The following DLGAP2 variants were observed in gnomAD, a reference collection of about 807,000 sequenced individuals.
DLGAP2 encodes the protein DLG associated protein 2.
In DLGAP2, 26 loss-of-function variants were observed where a neutral mutation model predicts 100.3. That is an observed-to-expected ratio of 0.26 (90% CI 0.19 to 0.36). DLGAP2 has a LOEUF of 0.36. DLGAP2 is among the 10% of genes least tolerant of loss of function. The pLI is 1.00. For missense variants in DLGAP2, 1,858 were observed against 1,453.2 expected (o/e 1.28, Z -4.53); for synonymous variants, 886 against 630.1 (o/e 1.41, Z -6.08).
intron 2 of DLGAP2, among the ~76,000 whole-genome samples, chr8:964,063 A>T (rs1799788891): frequency 6.6e-6 from 1 of 152,258 alleles, no homozygotes; most frequent in Admixed American, 6.5e-5. Flanking sequence ...AAACTTTAGG[A>T]AGTTTATGCT....
chr8:1,592,845 G>C lies in DLGAP2; in HGVS notation c.1442+26951G>C, dbSNP rs373181179. Among the ~76,000 whole-genome samples the C allele has an allele frequency of 5.3e-5, 8 of 152,238 alleles. No individual in the cohort carries two copies. The East Asian group carries it at 9.7e-4, about 18-fold the overall frequency. ...CTGTGAGCATCACCGACTGACCAGGGTACCGCTGGCTGGGATGTTACATGG... is the reference window on the plus strand; with the variant it reads ...CTGTGAGCATCACCGACTGACCAGGCTACCGCTGGCTGGGATGTTACATGG... On this transcript the variant is annotated intron_variant, in intron 6 of 14. Transcript: ENST00000637795.
At chr8:1,120,173 T>C (rs1311012192) in intron 2 of DLGAP2, among the ~76,000 whole-genome samples, 1 of 152,156 alleles carries the variant, frequency 6.6e-6, no homozygotes, top group Non-Finnish European at 1.5e-5. Flanking sequence ...GGCTAAGGGT[T>C]CAGCCCCTTC....
chr8:1,628,837 A>T (rs1284280754), intron 7 of DLGAP2, among the ~76,000 whole-genome samples: 1 of 152,220 alleles, frequency 6.6e-6, no homozygotes, highest in Non-Finnish European at 1.5e-5. Flanking sequence ...CTTACTGTGG[A>T]GTAGGGATTA....
At chr8:890,283 G>T (rs531779477) in intron 1 of DLGAP2, among the ~76,000 whole-genome samples, 1 of 152,274 alleles carries the variant, frequency 6.6e-6, no homozygotes, top group African/African-American at 2.4e-5. Context: ...ACGTGCACGC[G>T]CATGGCAGAG....
chr8:1,531,510 T>A (rs562571413), intron 4 of DLGAP2, among the ~76,000 whole-genome samples: 49 of 152,318 alleles, frequency 3.2e-4, no homozygotes, highest in African/African-American at 1.1e-3. Context: ...TTCATACTGA[T>A]AATTTTTTGA....
At chr8:1,059,768 G>A (rs918921010) in intron 2 of DLGAP2, among the ~76,000 whole-genome samples, 5 of 152,160 alleles carry the variant, frequency 3.3e-5, no homozygotes, top group African/African-American at 1.2e-4. Context: ...CTGTGCAGGC[G>A]CAGTGGTGAC....
At chr8:1,204,865 C>G (rs1450378349) in intron 2 of DLGAP2, among the ~76,000 whole-genome samples, 1 of 152,206 alleles carries the variant, frequency 6.6e-6, no homozygotes, top group Non-Finnish European at 1.5e-5. Context: ...GCCTTGAACA[C>G]CGGCCCTCTC....
At chr8:1,365,281 G>C (rs953171244) in intron 3 of DLGAP2, among the ~76,000 whole-genome samples, 1 of 152,138 alleles carries the variant, frequency 6.6e-6, no homozygotes, top group African/African-American at 2.4e-5. Flanking sequence ...GGGGATGTGT[G>C]GCTCAGGTGC....
rs2040985 is a variant in DLGAP2, at chr8:1,578,866, G to C, written c.1442+12972G>C. Among the ~76,000 whole-genome samples, 1,489 of 152,306 alleles carry C rather than the reference G, an allele frequency of 9.8e-3. 21 individuals carry two copies. The highest frequency in any genetic ancestry group is 0.034 in the African/African-American group (1,420 of 41,562). ...CTTGTGTCCCCGATCGGGAAGGTCA[G>C]ATTCCCAGGGCTGATGGCCCCGTCT... On this transcript the variant is annotated intron_variant, in intron 6 of 14. Transcript: ENST00000637795.
intron 2 of DLGAP2, among the ~76,000 whole-genome samples, chr8:1,138,925 C>T (rs1448592636): frequency 1.3e-5 from 2 of 150,506 alleles, no homozygotes; most frequent in East Asian, 3.9e-4. Context: ...ATTTACTTGT[C>T]CTGGCCTGTG....
At chr8:1,284,091 C>T (rs1220704808) in intron 3 of DLGAP2, among the ~76,000 whole-genome samples, 3 of 152,166 alleles carry the variant, frequency 2.0e-5, no homozygotes, top group Admixed American at 2.0e-4. Context: ...ATTACTATTG[C>T]CCTGTCCTTA....
chr8:1,518,422 G>A (rs1299035611), intron 4 of DLGAP2, among the ~76,000 whole-genome samples: 1 of 152,094 alleles, frequency 6.6e-6, no homozygotes, highest in Non-Finnish European at 1.5e-5. Flanking sequence ...ATTATGAAGG[G>A]AAAAAGCAAG....
At chr8:1,202,147 CAT>C (rs1360100639) in intron 2 of DLGAP2, among the ~76,000 whole-genome samples, 1 of 146,210 alleles carries the variant, frequency 6.8e-6, no homozygotes, top group African/African-American at 2.8e-5. Flanking sequence ...TGTGTATACA[CAT>C]GTGGTGTGTA....
At chr8:1,143,113 A>G (rs1208660550) in intron 2 of DLGAP2, among the ~76,000 whole-genome samples, 2 of 152,008 alleles carry the variant, frequency 1.3e-5, no homozygotes, top group Non-Finnish European at 2.9e-5. Flanking sequence ...CGCAGCGGCC[A>G]CCCTCCAGCC....
intron 6 of DLGAP2, among the ~76,000 whole-genome samples, chr8:1,584,894 A>G (rs1483539008): frequency 6.6e-6 from 1 of 152,084 alleles, no homozygotes; most frequent in Admixed American, 6.5e-5. Flanking sequence ...TTTTTACCTC[A>G]TTTCTTTCTT....
chr8:922,275 G>C lies in DLGAP2; in HGVS notation c.73+14309G>C, dbSNP rs146705344. ...ACCGTATCTCTATGGGATGAGTCCT[G>C]CTCACTTTATTCTGAGAGAGAGAGG... On this transcript the variant is annotated intron_variant, in intron 2 of 14. Transcript: ENST00000637795. Among the ~76,000 whole-genome samples the C allele has an allele frequency of 3.7e-3, 559 of 152,284 alleles. 5 individuals carry two copies. The highest frequency in any genetic ancestry group is 0.013 in the African/African-American group (539 of 41,540).
chr8:1,172,423 G>T (rs939820113), intron 2 of DLGAP2, among the ~76,000 whole-genome samples: 96 of 151,878 alleles, frequency 6.3e-4, no homozygotes, highest in African/African-American at 2.1e-3. Context: ...GAATCTGAAT[G>T]TTGGCCTGCC....
intron 14 of DLGAP2, among the ~76,000 whole-genome samples, chr8:1,699,139 C>T (rs1799498435): frequency 6.6e-6 from 1 of 152,216 alleles, no homozygotes; most frequent in South Asian, 2.1e-4. Context: ...ATGGTTCCGT[C>T]TAGTCTCCAT....
At chr8:909,881 T>C (rs1023942519) in intron 2 of DLGAP2, among the ~76,000 whole-genome samples, 12 of 152,230 alleles carry the variant, frequency 7.9e-5, no homozygotes, top group Non-Finnish European at 1.6e-4. Flanking sequence ...GAGATCTTGT[T>C]TGGAAATGTC....
Sources: gnomAD v4.1 joint callset for allele counts (sites outside exome capture counted in the v4.1 genomes callset) on GRCh38, gnomAD v4.1.1 for gene constraint, MANE v1.5 for transcripts, NCBI Gene and HGNC (gene_info 2026-07-23, HGNC 2026-07-21) for gene names.